KCNN2: variants seen among roughly 807,000 people sequenced by gnomAD.
The protein encoded by KCNN2 is potassium calcium-activated channel subfamily N member 2.
KCNN2 carries 24 observed loss-of-function variants against 55.5 expected under a neutral mutation model. The ratio of observed to expected loss-of-function variants is 0.43; its 90% confidence interval spans 0.31 to 0.61. KCNN2 has a LOEUF of 0.61. Ranked by LOEUF, KCNN2 falls within the 20% of genes least tolerant of loss-of-function variation. The pLI is 0.08. For missense variants in KCNN2, 754 were observed against 853.6 expected (o/e 0.88, Z 1.45); for synonymous variants, 431 against 336.1 (o/e 1.28, Z -3.09).
chr5:114,239,038 A>C (rs946964827), intron 2 of KCNN2, among the ~76,000 whole-genome samples: 1 of 152,170 alleles, frequency 6.6e-6, no homozygotes, highest in African/African-American at 2.4e-5. Flanking sequence ...TTTTATGTTG[A>C]TGAGGATAGG....
At chr5:114,100,661 G>C (rs544306593) in intron 1 of KCNN2, among the ~76,000 whole-genome samples, 2 of 152,104 alleles carry the variant, frequency 1.3e-5, no homozygotes, top group African/African-American at 4.8e-5. Context: ...CCAGTGACAA[G>C]GAGATCCCTG....
At chr5:114,209,835 G>T (rs976260157) in intron 1 of KCNN2, among the ~76,000 whole-genome samples, 1 of 152,102 alleles carries the variant, frequency 6.6e-6, no homozygotes, top group Non-Finnish European at 1.5e-5. Context: ...ATCTCATGTG[G>T]ACTCATTCTC....
At chr5:114,158,185 G>T (rs1277712673) in intron 1 of KCNN2, among the ~76,000 whole-genome samples, 1 of 152,108 alleles carries the variant, frequency 6.6e-6, no homozygotes. Flanking sequence ...TTTGTATAAG[G>T]TGTAAGGAAG....
intron 1 of KCNN2, among the ~76,000 whole-genome samples, chr5:114,203,310 A>C (rs1002953497): frequency 1.3e-5 from 2 of 152,174 alleles, no homozygotes; most frequent in Non-Finnish European, 2.9e-5. Context: ...GACAAGTCTA[A>C]AGTCTAAAGT....
chr5:114,121,039 T>A (rs894957929), intron 1 of KCNN2, among the ~76,000 whole-genome samples: 34 of 152,322 alleles, frequency 2.2e-4, no homozygotes, highest in South Asian at 6.2e-4. Context: ...TAAATTCCCC[T>A]ATGATGTCTG....
chr5:114,249,975 A>C (rs1754826360), intron 2 of KCNN2, among the ~76,000 whole-genome samples: 2 of 152,082 alleles, frequency 1.3e-5, no homozygotes. Flanking sequence ...TTTTTATGAG[A>C]GCTTTTAAAA....
intron 6 of KCNN2, among the ~76,000 whole-genome samples, chr5:114,491,413 T>C (rs1747846113): frequency 6.6e-6 from 1 of 151,208 alleles, no homozygotes; most frequent in African/African-American, 2.4e-5. Flanking sequence ...CGAAGAAAGG[T>C]AAAGGTAATC....
At chr5:114,167,508 C>T (rs1752939488) in intron 1 of KCNN2, among the ~76,000 whole-genome samples, 1 of 152,006 alleles carries the variant, frequency 6.6e-6, no homozygotes. Context: ...TCATTCTGTT[C>T]TTCTTTTTGT....
intron 1 of KCNN2, among the ~76,000 whole-genome samples, chr5:114,202,596 T>TTTA (rs1554074540): frequency 0.014 from 1,914 of 141,662 alleles, 78 homozygotes; most frequent in African/African-American, 0.049. Flanking sequence ...TTTTTTTTTT[T>TTTA]TTTTTCCCGA....
chr5:114,070,165 C>G (rs886515553), intron 1 of KCNN2, among the ~76,000 whole-genome samples: 1 of 152,104 alleles, frequency 6.6e-6, no homozygotes, highest in Non-Finnish European at 1.5e-5. Flanking sequence ...TAGTTGAGAG[C>G]AACTGTCTCG....
intron 2 of KCNN2, among the ~76,000 whole-genome samples, chr5:114,377,218 T>C (rs1251176647): frequency 1.3e-5 from 2 of 152,212 alleles, no homozygotes; most frequent in Non-Finnish European, 2.9e-5. Flanking sequence ...CTCCCTTTTT[T>C]GGCCTCCCCA....
At chr5:114,274,062 A>G (rs1273785921) in intron 2 of KCNN2, among the ~76,000 whole-genome samples, 3 of 152,204 alleles carry the variant, frequency 2.0e-5, no homozygotes, top group Non-Finnish European at 1.5e-5. Flanking sequence ...GCATATGGCT[A>G]GCCAGTTTTC....
chr5:114,239,242 AC>A (rs1219851437), intron 2 of KCNN2, among the ~76,000 whole-genome samples: 1 of 152,088 alleles, frequency 6.6e-6, no homozygotes, highest in Non-Finnish European at 1.5e-5. Flanking sequence ...AAAATTATAA[AC>A]CCAGTGATGT....
At chr5:114,275,956 G>C (rs955626289) in intron 2 of KCNN2, among the ~76,000 whole-genome samples, 1 of 152,068 alleles carries the variant, frequency 6.6e-6, no homozygotes, top group African/African-American at 2.4e-5. Flanking sequence ...GCTTTCTCTT[G>C]TGGGCATTTA....
intron 2 of KCNN2, among the ~76,000 whole-genome samples, chr5:114,384,725 G>T (rs565942800): frequency 6.6e-6 from 1 of 152,098 alleles, no homozygotes; most frequent in South Asian, 2.1e-4. Context: ...CCTATTAATT[G>T]GTTGTGACTG....
intron 1 of KCNN2, among the ~76,000 whole-genome samples, chr5:114,191,246 G>A (rs562333218): frequency 6.6e-6 from 1 of 152,268 alleles, no homozygotes; most frequent in African/African-American, 2.4e-5. Flanking sequence ...TACTGTTAGA[G>A]ATGTTTTACC....
chr5:114,279,548 G>C (rs1755575726), intron 2 of KCNN2, among the ~76,000 whole-genome samples: 1 of 152,118 alleles, frequency 6.6e-6, no homozygotes, highest in South Asian at 2.1e-4. Context: ...AGAACATGTG[G>C]TGTTTGGTTT....
chr5:114,496,195 T>C lies in KCNN2; in HGVS notation c.*13T>C. 6.2e-7 allele frequency: 1 copy of C among 1,611,092 alleles called. No homozygotes were observed. The highest frequency in any genetic ancestry group is 8.5e-7 in the Non-Finnish European group (1 of 1,178,180). On this transcript the variant is annotated 3_prime_UTR_variant, in exon 8 of 8. Coordinates refer to ENST00000673685, the MANE Select transcript of KCNN2 (RefSeq NM_021614.4). ...AGAGAGTAGCTAGAAGAGAATAAGT[T>C]AACCACAAAATAAGACTTTTTGCCA... is the stretch of plus-strand genomic sequence containing the variant.
chr5:114,134,870 A>G (rs1387386410), intron 1 of KCNN2, among the ~76,000 whole-genome samples: 1 of 152,182 alleles, frequency 6.6e-6, no homozygotes, highest in Non-Finnish European at 1.5e-5. Flanking sequence ...AGCAAAGTAC[A>G]TTATTCAGGG....
Sources: allele counts gnomAD v4.1 joint callset (sites outside exome capture counted in the v4.1 genomes callset), GRCh38; gene constraint gnomAD v4.1.1; transcripts MANE v1.5; gene names NCBI Gene and HGNC (gene_info 2026-07-23, HGNC 2026-07-21).